Variants in DDX10 observed in about 807,000 individuals in gnomAD.
The protein encoded by DDX10 is probable ATP-dependent RNA helicase DDX10.
Under a neutral mutation model 104.3 loss-of-function variants are expected in DDX10, and 74 were observed. That is an observed-to-expected ratio of 0.71 (90% CI 0.59 to 0.86). The LOEUF (loss-of-function observed/expected upper bound fraction) is 0.86. DDX10 is among the 40% of genes least tolerant of loss of function. The pLI is 0.00. For synonymous variants in DDX10, 351 were observed against 353.4 expected, an observed-to-expected ratio of 0.99 and a Z score of 0.08; for missense variants, 952 against 1,040.0, an observed-to-expected ratio of 0.92 and a Z score of 1.16.
chr11:108,868,966 C>CGAATTAAGCT (rs1555035188), intron 16 of DDX10, among the ~76,000 whole-genome samples: 48 of 137,126 alleles, frequency 3.5e-4, no homozygotes, highest in African/African-American at 1.2e-3. Context: ...AAGAATTAAG[C>CGAATTAAGCT]TTTTTTTTTT....
intron 13 of DDX10, among the ~76,000 whole-genome samples, chr11:108,751,327 A>T (rs1181337955): frequency 6.6e-6 from 1 of 152,072 alleles, no homozygotes; most frequent in African/African-American, 2.4e-5. Flanking sequence ...AAAGAATCAC[A>T]ATAAGTTATA....
chr11:108,735,944 A>G (rs985978435), intron 13 of DDX10, among the ~76,000 whole-genome samples: 4 of 152,192 alleles, frequency 2.6e-5, no homozygotes, highest in Admixed American at 1.3e-4. Context: ...AAAGTGAAGT[A>G]TAAGTATAAA....
intron 13 of DDX10, among the ~76,000 whole-genome samples, chr11:108,779,598 A>G (rs901167542): frequency 2.0e-5 from 3 of 152,118 alleles, no homozygotes; most frequent in African/African-American, 7.2e-5. Flanking sequence ...CAGCACACCA[A>G]CGTGGCACAT....
At chr11:108,920,833 T>C (rs2134666487) in intron 17 of DDX10, 1 of 152,370 alleles carries the variant, frequency 6.6e-6, no homozygotes, top group East Asian at 1.9e-4. Flanking sequence ...CTGCTTAACA[T>C]CATCCTTGGC....
chr11:108,871,401 C>T (rs1053418844), intron 16 of DDX10, among the ~76,000 whole-genome samples: 1 of 152,182 alleles, frequency 6.6e-6, no homozygotes, highest in African/African-American at 2.4e-5. Flanking sequence ...AACACATAAG[C>T]TCCTGCTGGT....
chr11:108,871,840 A>AT (rs1171219343), intron 16 of DDX10, among the ~76,000 whole-genome samples: 1 of 152,130 alleles, frequency 6.6e-6, no homozygotes, highest in African/African-American at 2.4e-5. Flanking sequence ...AGGCAGGAGA[A>AT]TCGCTTGAAC....
chr11:108,875,180 A>G (rs1390219839), intron 16 of DDX10, among the ~76,000 whole-genome samples: 1 of 152,212 alleles, frequency 6.6e-6, no homozygotes. Flanking sequence ...TGACATTTTA[A>G]TTCTGATTTA....
chr11:108,750,307 A>G (rs1191618184), intron 13 of DDX10, among the ~76,000 whole-genome samples: 1 of 152,216 alleles, frequency 6.6e-6, no homozygotes, highest in East Asian at 1.9e-4. Flanking sequence ...CTAAATAGGC[A>G]GGTGTGATTT....
In DDX10 at chr11:108,723,055, C is replaced by G; in HGVS notation, c.1558C>G (p.Pro520Ala). 2 of 1,613,162 alleles carry G rather than the reference C, an allele frequency of 1.2e-6. No homozygotes were observed. The highest frequency in any genetic ancestry group is 1.7e-6 in the Non-Finnish European group (2 of 1,179,684). The change falls in exon 13 of 18, where the codon CCC becomes GCC. Residue 520 changes from proline to alanine, a missense_variant. Pro to Ala is a conservative substitution (Grantham distance 27). Coordinates refer to ENST00000322536, the MANE Select transcript of DDX10 (RefSeq NM_004398.4). Reference sequence around the variant, plus strand: ...ATTTCTTCAGAAAATGCAGAAACAACCCACCAAAGAATTGGTAAGGAGCCA... The same window carrying G: ...ATTTCTTCAGAAAATGCAGAAACAAGCCACCAAAGAATTGGTAAGGAGCCA... Reference protein sequence around the residue: ...VRFLQKMQKQPTKELVRSQAD... With the variant: ...VRFLQKMQKQATKELVRSQAD...
At chr11:108,671,840 A>G (rs12577607) in intron 1 of DDX10, among the ~76,000 whole-genome samples, 1 of 152,032 alleles carries the variant, frequency 6.6e-6, no homozygotes, top group Middle Eastern at 3.2e-3. Flanking sequence ...CGGGTGGATC[A>G]CGAGGTCAGG....
At chr11:108,695,430 T>C (rs1311595635) in intron 9 of DDX10, among the ~76,000 whole-genome samples, 1 of 152,226 alleles carries the variant, frequency 6.6e-6, no homozygotes, top group Non-Finnish European at 1.5e-5. Flanking sequence ...TGTGAGGATC[T>C]TTAGGCCCGA....
intron 13 of DDX10, among the ~76,000 whole-genome samples, chr11:108,746,517 A>T (rs1476665741): frequency 1.3e-5 from 2 of 152,162 alleles, no homozygotes; most frequent in Non-Finnish European, 2.9e-5. Flanking sequence ...TGATGTACAA[A>T]TTCCTCAGTG....
rs553021326 is a variant in DDX10, at chr11:108,742,660, A to G, written c.1965+19198A>G. Reference sequence around the variant, plus strand: ...AGATTGATAGACTGCTAGCTAGACTAATAAAAAGGAGAGAAGATACAAATA... The same window carrying G: ...AGATTGATAGACTGCTAGCTAGACTGATAAAAAGGAGAGAAGATACAAATA... On this transcript the variant is annotated intron_variant, in intron 13 of 17. Coordinates refer to ENST00000322536, the MANE Select transcript of DDX10 (RefSeq NM_004398.4). Among the ~76,000 whole-genome samples, 20 of 152,340 alleles carry G rather than the reference A, an allele frequency of 1.3e-4. 1 individual carries two copies. The highest frequency in any genetic ancestry group is 9.2e-4 in the Admixed American group (14 of 15,296).
At chr11:108,812,450 G>T (rs578096080) in intron 13 of DDX10, among the ~76,000 whole-genome samples, 1 of 152,020 alleles carries the variant, frequency 6.6e-6, no homozygotes, top group African/African-American at 2.4e-5. Flanking sequence ...GAGAGTATTA[G>T]TATTTCATAG....
In DDX10 at chr11:108,936,639, A is replaced by G. The variant is rs561514320; in HGVS notation, c.2451-3607A>G. Among the ~76,000 whole-genome samples the G allele has an allele frequency of 9.2e-5, 14 of 152,332 alleles. No individual in the cohort carries two copies. In the South Asian group the frequency reaches 2.9e-3, roughly 32 times the overall value. ...TATAATATTGTCAGTGTCAAAAGCA[A>G]TTCCTGAAACATCATTTTTAATAGC... is the stretch of plus-strand genomic sequence containing the variant. On this transcript the variant is annotated intron_variant, in intron 17 of 17. Coordinates refer to ENST00000322536, the MANE Select transcript of DDX10 (RefSeq NM_004398.4).
intron 1 of DDX10, among the ~76,000 whole-genome samples, chr11:108,668,633 C>G (rs2094212995): frequency 1.3e-5 from 2 of 152,230 alleles, no homozygotes; most frequent in South Asian, 2.1e-4. Context: ...TGCTCAGTAG[C>G]CTCACTGGTG....
intron 13 of DDX10, among the ~76,000 whole-genome samples, chr11:108,776,650 G>A (rs2094370254): frequency 1.3e-5 from 2 of 152,154 alleles, no homozygotes; most frequent in Non-Finnish European, 2.9e-5. Context: ...TTATTTTGGT[G>A]GGCCCAATAC....
chr11:108,803,970 G>A (rs1862061529), intron 13 of DDX10, among the ~76,000 whole-genome samples: 1 of 152,074 alleles, frequency 6.6e-6, no homozygotes, highest in Non-Finnish European at 1.5e-5. Context: ...TTAGAGTAAG[G>A]CACTGCTGAT....
At chr11:108,894,686 AT>A (rs1385417871) in intron 16 of DDX10, among the ~76,000 whole-genome samples, 8 of 151,986 alleles carry the variant, frequency 5.3e-5, no homozygotes, top group Non-Finnish European at 7.4e-5. Context: ...TAAAAATGGT[AT>A]TTTGCTCATA....
Sources: gnomAD v4.1 joint callset for allele counts (sites outside exome capture counted in the v4.1 genomes callset) on GRCh38, gnomAD v4.1.1 for gene constraint, MANE v1.5 for transcripts, NCBI Gene and HGNC (gene_info 2026-07-23, HGNC 2026-07-21) for gene names.